The following FZD3 variants were observed in gnomAD, a reference collection of about 807,000 sequenced individuals.
The protein encoded by FZD3 is frizzled-3.
FZD3 carries 30 observed loss-of-function variants against 60.7 expected under a neutral mutation model. That is an observed-to-expected ratio of 0.49 (90% confidence interval 0.37 to 0.67). The LOEUF (loss-of-function observed/expected upper bound fraction) is 0.67. FZD3 is among the 30% of genes least tolerant of loss of function. FZD3 has a pLI of 0.00. For missense variants in FZD3, 605 were observed against 838.7 expected (o/e 0.72, Z 3.44); for synonymous variants, 246 against 275.2 (o/e 0.89, Z 1.05).
intron 5 of FZD3, among the ~76,000 whole-genome samples, chr8:28,538,121 AAATAAT>A (rs376137685): frequency 1.1e-4 from 17 of 149,808 alleles, no homozygotes; most frequent in East Asian, 3.9e-4. Context: ...CTTGTCTCCA[AAATAAT>A]AATAATAATA....
intron 5 of FZD3, among the ~76,000 whole-genome samples, chr8:28,539,827 G>T (rs117859083): frequency 0.021 from 3,073 of 148,924 alleles, 41 homozygotes; most frequent in Non-Finnish European, 0.028. Context: ...TCAAAAACAA[G>T]TATTGAATTT....
chr8:28,571,783 A>G lies in FZD3; in HGVS notation c.*8772A>G, dbSNP rs977038096. 6.6e-6 allele frequency: 1 copy of G among 152,184 alleles called. No homozygotes were observed. The highest frequency in any genetic ancestry group is 1.9e-4 in the East Asian group (1 of 5,204). 9.4% of individuals were successfully genotyped at this position (152,184 alleles called of 1,614,324 possible). The stretch of plus-strand genomic sequence containing the variant: ...AAGATTGATATTGATACCACCCACC[A>G]TCCTTTCCTCTAGCCCCAGAAAGAA... On this transcript the variant is annotated 3_prime_UTR_variant, in exon 8 of 8. Coordinates refer to ENST00000240093, the MANE Select transcript of FZD3 (RefSeq NM_017412.4).
intron 4 of FZD3, among the ~76,000 whole-genome samples, 177 bp from the exon 5 acceptor site, chr8:28,526,970 A>T (rs1804729827): frequency 6.6e-6 from 1 of 152,198 alleles, no homozygotes; most frequent in Non-Finnish European, 1.5e-5. Flanking sequence ...TCAACTGTCG[A>T]AAATCTAGTT....
At chr8:28,500,869 T>C (rs1336445361) in intron 2 of FZD3, among the ~76,000 whole-genome samples, 1 of 152,210 alleles carries the variant, frequency 6.6e-6, no homozygotes, top group Admixed American at 6.5e-5. Flanking sequence ...CAAGCGATTC[T>C]TCTGCCTCAG....
intron 5 of FZD3, among the ~76,000 whole-genome samples, chr8:28,540,376 CCCA>C (rs1209818333): frequency 1.3e-5 from 2 of 151,992 alleles, no homozygotes; most frequent in Non-Finnish European, 2.9e-5. Context: ...ATTACAGGCG[CCCA>C]CCACCACACC....
rs989457237 is a variant in FZD3 at position 28,571,213 on chromosome 8, C to T, written c.*8202C>T. Reference sequence around the variant, plus strand: ...GTGATTTACTTTATGTTTAGCCATCCACCATTTTCCTATTTCTCTACTCCT... The same window carrying T: ...GTGATTTACTTTATGTTTAGCCATCTACCATTTTCCTATTTCTCTACTCCT... On this transcript the variant is annotated 3_prime_UTR_variant, in exon 8 of 8. Transcript: ENST00000240093. The T allele has an allele frequency of 6.6e-6, 1 of 151,986 alleles. No homozygotes were observed. Among genetic ancestry groups the T allele is most frequent in the Non-Finnish European group, 1.5e-5 (1 of 67,972 alleles). 9.4% of individuals were successfully genotyped at this position (151,986 alleles called of 1,614,324 possible). A position where few individuals can be genotyped will look rare whatever the true frequency, so the allele number is the denominator to read the frequency against.
chr8:28,499,511 T>TA (rs1275874785), intron 1 of FZD3, among the ~76,000 whole-genome samples: 2 of 152,168 alleles, frequency 1.3e-5, no homozygotes, highest in Non-Finnish European at 2.9e-5. Flanking sequence ...CATGTGTACT[T>TA]ACGTGTTTAC....
At chr8:28,553,780 A>G (rs1168174399) in intron 6 of FZD3, among the ~76,000 whole-genome samples, 1 of 152,260 alleles carries the variant, frequency 6.6e-6, no homozygotes, top group East Asian at 1.9e-4. Context: ...GGCTATTTCT[A>G]GCATTTGTCT....
rs555417782 is a variant in FZD3, at chr8:28,510,629, A to G, written c.189+7427A>G. Among the ~76,000 whole-genome samples the G allele has an allele frequency of 2.0e-5, 3 of 152,360 alleles. No individual in the cohort carries two copies. In the South Asian group the frequency reaches 6.2e-4, roughly 32 times the overall value. ...TGAAATTCAGAGACAAAGCAGTTCA[A>G]GCCCAAGTTTTGCTACTTATCAACT... On this transcript the variant is annotated intron_variant, in intron 3 of 7. Transcript: ENST00000240093.
At position 28,572,304 on chromosome 8, in the gene FZD3, CTTTA is replaced by C. The variant is rs1805821797; in HGVS notation, c.*9294_*9297del. 1 of 152,092 alleles carries C rather than the reference CTTTA, an allele frequency of 6.6e-6. No homozygotes were observed. The highest frequency in any genetic ancestry group is 6.5e-5 in the Admixed American group (1 of 15,270). The allele number at this position is 152,092 out of a possible 1,614,324, so 9.4% of individuals were successfully genotyped here. A position where few individuals can be genotyped will look rare whatever the true frequency, so the allele number is the denominator to read the frequency against. The stretch of plus-strand genomic sequence containing the variant: ...TAGATATATTCAAGAAGGAACCAAA[CTTTA>C]AAAGATCTTTTAGAATAGGTATGTT... On this transcript the variant is annotated 3_prime_UTR_variant, in exon 8 of 8. Transcript: ENST00000240093.
chr8:28,549,377 T>C (rs565608006), intron 5 of FZD3, among the ~76,000 whole-genome samples: 2 of 152,342 alleles, frequency 1.3e-5, no homozygotes, highest in East Asian at 1.9e-4. Flanking sequence ...TTCTTTCTTA[T>C]ATCTACTAAT....
chr8:28,558,227 G>C (rs1805548042), intron 7 of FZD3, among the ~76,000 whole-genome samples: 1 of 152,098 alleles, frequency 6.6e-6, no homozygotes, highest in African/African-American at 2.4e-5. Flanking sequence ...AAAATCACTT[G>C]GCAATAGCAT....
chr8:28,503,963 A>G (rs1046900635), intron 3 of FZD3, among the ~76,000 whole-genome samples: 5 of 152,220 alleles, frequency 3.3e-5, no homozygotes, highest in East Asian at 1.9e-4. Context: ...TAAGTACTCT[A>G]TAAGTGATAG....
intron 4 of FZD3, among the ~76,000 whole-genome samples, chr8:28,523,270 A>G (rs1245047752): frequency 6.6e-6 from 1 of 152,122 alleles, no homozygotes; most frequent in Non-Finnish European, 1.5e-5. Flanking sequence ...TTGTGTTTCT[A>G]GTGAGGGCTG....
At chr8:28,537,655 G>A (rs1365968531) in intron 5 of FZD3, among the ~76,000 whole-genome samples, 1 of 152,154 alleles carries the variant, frequency 6.6e-6, no homozygotes, top group African/African-American at 2.4e-5. Context: ...TGGCCTTCAG[G>A]CTGTAGTTTG....
intron 5 of FZD3, among the ~76,000 whole-genome samples, chr8:28,529,546 A>T (rs1228757880): frequency 3.9e-5 from 6 of 152,140 alleles, no homozygotes; most frequent in African/African-American, 7.2e-5. Context: ...AAGACATGGT[A>T]ACAGAAATGT....
rs1805840519 is a variant in FZD3, at chr8:28,573,428, G to A, written c.*10417G>A. The A allele has an allele frequency of 6.6e-6, 1 of 151,868 alleles. No individual in the cohort carries two copies. The allele number at this position is 151,868 out of a possible 1,614,324, so 9.4% of individuals were successfully genotyped here. On this transcript the variant is annotated 3_prime_UTR_variant, in exon 8 of 8. Transcript: ENST00000240093. ...ATTTTGAGGCAAGAGATACCATTAA[G>A]TGACCTAGCTTGGAAATCTGCCCCC...
chr8:28,574,161 T>G lies in FZD3; in HGVS notation c.*11150T>G, dbSNP rs1805854178. The G allele has an allele frequency of 6.6e-6, 1 of 152,178 alleles. No individual in the cohort carries two copies. The highest frequency in any genetic ancestry group is 2.4e-5 in the African/African-American group (1 of 41,448). The allele number at this position is 152,178 out of a possible 1,614,324, so 9.4% of individuals were successfully genotyped here. On this transcript the variant is annotated 3_prime_UTR_variant, in exon 8 of 8. Transcript: ENST00000240093. Reference sequence around the variant, plus strand: ...TGTCAGTTTTTGTAAATGTTTTTTCTTAGCACTTTAACTGTGAGTGTACAA... The same window carrying G: ...TGTCAGTTTTTGTAAATGTTTTTTCGTAGCACTTTAACTGTGAGTGTACAA...
intron 4 of FZD3, among the ~76,000 whole-genome samples, chr8:28,526,766 G>C (rs1158220592): frequency 1.3e-5 from 2 of 152,114 alleles, no homozygotes; most frequent in Non-Finnish European, 2.9e-5. Flanking sequence ...GAAACTATTT[G>C]ATGCATATAA....
Sources: allele counts gnomAD v4.1 joint callset (sites outside exome capture counted in the v4.1 genomes callset), GRCh38; gene constraint gnomAD v4.1.1; transcripts MANE v1.5; gene names NCBI Gene and HGNC (gene_info 2026-07-23, HGNC 2026-07-21).